CHD2: variants seen among roughly 807,000 people sequenced by gnomAD.
The protein encoded by CHD2 is chromodomain helicase DNA binding protein 2, also known as ATP-dependent chromatin remodeler CHD2.
Under a neutral mutation model 243.9 loss-of-function variants are expected in CHD2, and 28 were observed. The ratio of observed to expected loss-of-function variants is 0.11; its 90% confidence interval spans 0.09 to 0.16. The LOEUF is 0.16. Ranked by LOEUF, CHD2 falls within the 10% of genes least tolerant of loss-of-function variation. The pLI is 1.00. For missense variants in CHD2, 1,386 were observed against 2,209.8 expected, an observed-to-expected ratio of 0.63 and a Z score of 7.47; for synonymous variants, 775 against 779.0, an observed-to-expected ratio of 0.99 and a Z score of 0.09.
chr15:93,017,419 G>A (rs904103073), intron 37 of CHD2, among the ~76,000 whole-genome samples: 2 of 151,348 alleles, frequency 1.3e-5, no homozygotes, highest in Admixed American at 6.6e-5. Flanking sequence ...TCCACCTCCC[G>A]GGTTCAAGCG....
chr15:92,993,062 T>TA, intron 28 of CHD2, 64 bp downstream of exon 28: 1 of 1,583,972 alleles, frequency 6.3e-7, no homozygotes, highest in Non-Finnish European at 8.6e-7. Flanking sequence ...TTTCTGTTGC[T>TA]AAAGGGCGTT....
chr15:93,014,677 G>A lies in CHD2; in HGVS notation c.4693-19G>A, dbSNP rs764154165. 1.2e-5 allele frequency: 19 copies of A among 1,608,432 alleles called. No individual in the cohort carries two copies. In the Admixed American group the frequency reaches 2.7e-4, roughly 23 times the overall value. ...AAGCCTGGGATCTTGAGCTTCTTTGGTTTCCTTTTACTCTTTAGGAGCAAA... is the reference window on the plus strand; with the variant it reads ...AAGCCTGGGATCTTGAGCTTCTTTGATTTCCTTTTACTCTTTAGGAGCAAA... On this transcript the variant is annotated intron_variant, in intron 36 of 38. Transcript: ENST00000394196.
intron 6 of CHD2, 47 bp from the exon 7 acceptor site, chr15:92,939,531 A>C: frequency 6.3e-7 from 1 of 1,589,606 alleles, no homozygotes; most frequent in Non-Finnish European, 8.6e-7. Context: ...AGTAGACACC[A>C]AATGATAAAG....
chr15:92,926,924 A>G (rs1329737693), intron 3 of CHD2, among the ~76,000 whole-genome samples: 1 of 152,224 alleles, frequency 6.6e-6, no homozygotes, highest in Non-Finnish European at 1.5e-5. Flanking sequence ...TTTAAAATGT[A>G]TCAGTAAATA....
At chr15:92,926,437 A>C (rs2053063344) in intron 3 of CHD2, among the ~76,000 whole-genome samples, 1 of 152,170 alleles carries the variant, frequency 6.6e-6, no homozygotes, top group South Asian at 2.1e-4. Context: ...TTTTCATGTC[A>C]GTGTTCCACA....
rs1394301788 is a variant in CHD2, at chr15:92,992,851, C to T, written c.3456-8C>T. The T allele has an allele frequency of 5.0e-6, 8 of 1,612,286 alleles. No individual in the cohort carries two copies. In the Admixed American group the frequency reaches 6.7e-5, roughly 13 times the overall value. ...TCCTAAAGTGTCCCCATATTTGTTC[C>T]TCCTCAGGCTGGAGTGCATAGCACG... On this transcript the variant is annotated splice_region_variant and splice_polypyrimidine_tract_variant and intron_variant, in intron 27 of 38. Transcript: ENST00000394196.
At position 93,014,814 on chromosome 15, in the gene CHD2, A is replaced by C. The variant is rs1355095407; in HGVS notation, c.4811A>C (p.Gln1604Pro). 6.2e-7 allele frequency: 1 copy of C among 1,614,076 alleles called. No individual in the cohort carries two copies. The highest frequency in any genetic ancestry group is 1.3e-5 in the African/African-American group (1 of 74,924). Residue 1604 changes from glutamine to proline, a missense_variant, in exon 37 of 39, where the codon CAG becomes CCG. Physicochemically the swap from Gln to Pro is moderately conservative, Grantham distance 76. This residue lies in a region of CHD2 where 347 missense variants were observed against 341.6 expected (regional missense o/e 1.02). Transcript: ENST00000394196. ...QSHTSHNLHP[Q>P]KPHLPASHGP... ...CATACCTCACACAACCTTCACCCTC[A>C]GAAGCCTCATTTGCCTGCCTCCCAT...
chr15:92,971,747 T>C lies in CHD2; in HGVS notation c.2190-18T>C. 2 of 1,608,728 alleles carry C rather than the reference T, an allele frequency of 1.2e-6. No homozygotes were observed. The highest frequency in any genetic ancestry group is 8.5e-7 in the Non-Finnish European group (1 of 1,177,706). Reference sequence around the variant, plus strand: ...GTTTTTTTGTATCTAGTAGTATCATTATCATTTTAATTTGCAGGTGGATTC... The same window carrying C: ...GTTTTTTTGTATCTAGTAGTATCATCATCATTTTAATTTGCAGGTGGATTC... On this transcript the variant is annotated intron_variant, in intron 17 of 38. Transcript: ENST00000394196.
At chr15:92,961,181 T>C (rs1220754555) in intron 16 of CHD2, among the ~76,000 whole-genome samples, 1 of 152,226 alleles carries the variant, frequency 6.6e-6, no homozygotes, top group East Asian at 1.9e-4. Context: ...TTATTTCTTC[T>C]TTAAATATTT....
rs1340358597 is a variant in CHD2, at chr15:93,000,525, A to G, written c.4022A>G (p.Lys1341Arg). The change falls in exon 32 of 39, where the codon AAG becomes AGG. Residue 1341 changes from lysine to arginine, a missense_variant. Lys to Arg is a conservative substitution (Grantham distance 26, BLOSUM62 2). This residue lies in a region of CHD2 where 125 missense variants were observed against 128.9 expected (regional missense o/e 0.97). Coordinates refer to ENST00000394196, the MANE Select transcript of CHD2 (RefSeq NM_001271.4). ...CTCCTTTTCCAGGCCAAATTAAAGA[A>G]GCGGAAGCCTCGGGTAAAGAAGGAA... ...VTGGEEAKLK[K>R]RKPRVKKENK... The G allele has an allele frequency of 6.2e-7, 1 of 1,610,200 alleles. No homozygotes were observed. Among genetic ancestry groups the G allele is most frequent in the East Asian group, 2.2e-5 (1 of 44,866 alleles).
In CHD2 at chr15:92,997,160, T is replaced by C. The variant is rs2054199111; in HGVS notation, c.3734+65T>C. 2 of 1,604,772 alleles carry C rather than the reference T, an allele frequency of 1.2e-6. No homozygotes were observed. The highest frequency in any genetic ancestry group is 4.5e-5 in the East Asian group (2 of 44,830). On this transcript the variant is annotated intron_variant, in intron 29 of 38. Coordinates refer to ENST00000394196, the MANE Select transcript of CHD2 (RefSeq NM_001271.4). The surrounding 1 kb of genome is among the most constrained non-coding windows in gnomAD (Gnocchi z 4.1). ...TAAGAAAATAGATTTGAAGTTAGACTTTGTGTAGTTCCATAGTATTTTTAC... is the reference window on the plus strand; with the variant it reads ...TAAGAAAATAGATTTGAAGTTAGACCTTGTGTAGTTCCATAGTATTTTTAC...
At chr15:92,960,597 T>G (rs12594474) in intron 16 of CHD2, among the ~76,000 whole-genome samples, 55,825 of 151,658 alleles carry the variant, frequency 0.37, 11,379 homozygotes, top group East Asian at 0.8. Flanking sequence ...TAGGCCAACT[T>G]TTTTTTTCCT....
chr15:92,955,135 G>A (rs2053603162), intron 14 of CHD2, among the ~76,000 whole-genome samples: 1 of 152,136 alleles, frequency 6.6e-6, no homozygotes, highest in Middle Eastern at 3.2e-3. Context: ...AATCACCAGG[G>A]TTCAGTAGCT....
intron 16 of CHD2, among the ~76,000 whole-genome samples, chr15:92,956,898 A>G (rs2141816985): frequency 6.6e-6 from 1 of 152,358 alleles, no homozygotes; most frequent in African/African-American, 2.4e-5. Context: ...CTTGGGAAAT[A>G]ATTGTTAAAT....
intron 2 of CHD2, among the ~76,000 whole-genome samples, chr15:92,913,497 A>G (rs1268216089): frequency 6.6e-6 from 1 of 152,140 alleles, no homozygotes; most frequent in Non-Finnish European, 1.5e-5. Flanking sequence ...ATGCTCCCCA[A>G]CATCCAAGAG....
rs2054546265 is a variant in CHD2, at chr15:93,022,550, G to C, written c.5154-1822G>C. Reference sequence around the variant, plus strand: ...CAGTTCTTTGTGAGCACAGGGCACTGTTACCTTCAGTCTTTTCGGGTGGTC... The same window carrying C: ...CAGTTCTTTGTGAGCACAGGGCACTCTTACCTTCAGTCTTTTCGGGTGGTC... On this transcript the variant is annotated intron_variant, in intron 38 of 38. Coordinates refer to ENST00000394196, the MANE Select transcript of CHD2 (RefSeq NM_001271.4). 2.0e-5 allele frequency among the ~76,000 whole-genome samples: 3 copies of C among 152,338 alleles called. No individual in the cohort carries two copies. The South Asian group carries it at 6.2e-4, about 32-fold the overall frequency.
intron 28 of CHD2, among the ~76,000 whole-genome samples, chr15:92,995,345 T>G (rs1357706936): frequency 6.6e-6 from 1 of 152,234 alleles, no homozygotes; most frequent in Admixed American, 6.5e-5. Context: ...TGGTTCAAAG[T>G]CACAACTATA....
chr15:92,915,367 C>T (rs1400524708), intron 2 of CHD2, among the ~76,000 whole-genome samples: 1 of 152,090 alleles, frequency 6.6e-6, no homozygotes, highest in Non-Finnish European at 1.5e-5. Flanking sequence ...CTCCGCCTCC[C>T]GGGTTCACGC....
chr15:92,945,934 T>C, intron 11 of CHD2, 69 bp downstream of exon 11: 1 of 1,467,680 alleles, frequency 6.8e-7, no homozygotes, highest in Non-Finnish European at 9.3e-7. Flanking sequence ...GCAGATTATT[T>C]TGTTTTGCCA....
Sources: allele counts gnomAD v4.1 joint callset (sites outside exome capture counted in the v4.1 genomes callset), GRCh38; gene constraint gnomAD v4.1.1; regional missense constraint gnomAD v4.1.1; non-coding constraint Gnocchi (gnomAD v3.1); transcripts MANE v1.5; gene names NCBI Gene and HGNC (gene_info 2026-07-23, HGNC 2026-07-21).